Variants in TRIM24 observed in about 807,000 individuals in gnomAD.
TRIM24 encodes the protein tripartite motif containing 24.
TRIM24 carries 29 observed loss-of-function variants against 123.9 expected under a neutral mutation model. That is an observed-to-expected ratio of 0.23 (90% CI 0.17 to 0.32). The LOEUF is 0.32. Ranked by LOEUF, TRIM24 falls within the 10% of genes least tolerant of loss-of-function variation. TRIM24 has a pLI of 1.00. For missense variants in TRIM24, 932 were observed against 1,295.3 expected, an observed-to-expected ratio of 0.72 and a Z score of 4.31; for synonymous variants, 456 against 461.1, an observed-to-expected ratio of 0.99 and a Z score of 0.14.
intron 6 of TRIM24, among the ~76,000 whole-genome samples, chr7:138,537,055 C>T (rs1796893390): frequency 6.6e-6 from 1 of 152,060 alleles, no homozygotes; most frequent in South Asian, 2.1e-4. Context: ...TTTGCTAAGT[C>T]CGTTGGAAAA....
intron 6 of TRIM24, among the ~76,000 whole-genome samples, chr7:138,536,930 C>T (rs1287486465): frequency 2.6e-5 from 4 of 152,192 alleles, no homozygotes; most frequent in African/African-American, 9.6e-5. Flanking sequence ...GCCCCTTCCC[C>T]AGCCTCGCTG....
At chr7:138,487,110 G>A (rs1795664919) in intron 1 of TRIM24, among the ~76,000 whole-genome samples, 2 of 152,174 alleles carry the variant, frequency 1.3e-5, no homozygotes, top group African/African-American at 4.8e-5. Context: ...ATTGTGAATG[G>A]GAGTTCACTC....
chr7:138,580,930 A>C (rs1261893130), intron 16 of TRIM24, among the ~76,000 whole-genome samples: 7 of 152,204 alleles, frequency 4.6e-5, no homozygotes, highest in Non-Finnish European at 1.0e-4. Context: ...ACAAGATGGA[A>C]TATGTACCCT....
At chr7:138,499,226 T>G (rs1304483984) in intron 1 of TRIM24, among the ~76,000 whole-genome samples, 3 of 152,200 alleles carry the variant, frequency 2.0e-5, no homozygotes, top group Admixed American at 6.6e-5. Flanking sequence ...TAAATAGTCC[T>G]TGTTCTAAAG....
Position 138,587,235 on chromosome 7 carries a change from C to G in TRIM24, c.*2284C>G, listed in dbSNP as rs1798035980. ...GGACATGGTGGCGTGCAACTGTAAT[C>G]CCAACTACTCAGGAGGCTGAGACAG... On this transcript the variant is annotated 3_prime_UTR_variant, in exon 19 of 19. Transcript: ENST00000343526. 1 of 152,016 alleles carries G rather than the reference C, an allele frequency of 6.6e-6. No individual in the cohort carries two copies. The highest frequency in any genetic ancestry group is 2.1e-4 in the South Asian group (1 of 4,816). The allele number at this position is 152,016 out of a possible 1,614,324, so 9.4% of individuals were successfully genotyped here.
At chr7:138,466,817 C>T (rs1222153755) in intron 1 of TRIM24, among the ~76,000 whole-genome samples, 1 of 152,014 alleles carries the variant, frequency 6.6e-6, no homozygotes, top group Admixed American at 6.6e-5. Context: ...TCTGGTTTAT[C>T]AATTTATTTT....
chr7:138,516,094 T>C (rs911023892), intron 3 of TRIM24, among the ~76,000 whole-genome samples: 23 of 152,186 alleles, frequency 1.5e-4, no homozygotes, highest in African/African-American at 3.9e-4. Context: ...GATCAGGAGA[T>C]CGAGACCATC....
intron 5 of TRIM24, among the ~76,000 whole-genome samples, chr7:138,526,870 TTGAA>T (rs1367297854): frequency 2.6e-5 from 4 of 152,222 alleles, no homozygotes; most frequent in African/African-American, 9.6e-5. Context: ...TGAATATTTA[TTGAA>T]TGAATGAAGA....
At chr7:138,547,267 T>A (rs1009592873) in intron 7 of TRIM24, among the ~76,000 whole-genome samples, 2 of 152,138 alleles carry the variant, frequency 1.3e-5, no homozygotes, top group Non-Finnish European at 2.9e-5. Context: ...GGGATGTTGA[T>A]CAAAGGCTGC....
At chr7:138,470,332 T>G (rs940577320) in intron 1 of TRIM24, among the ~76,000 whole-genome samples, 10 of 152,158 alleles carry the variant, frequency 6.6e-5, no homozygotes, top group Non-Finnish European at 1.3e-4. Flanking sequence ...GGTTTCACTA[T>G]GTTGGTCAGG....
At chr7:138,540,760 A>G (rs996682864) in intron 7 of TRIM24, among the ~76,000 whole-genome samples, 1 of 152,226 alleles carries the variant, frequency 6.6e-6, no homozygotes, top group Non-Finnish European at 1.5e-5. Flanking sequence ...TCCTTTCTAG[A>G]AGGTTTTTAA....
chr7:138,568,379 CTT>C (rs60386130), intron 10 of TRIM24, among the ~76,000 whole-genome samples: 326 of 68,670 alleles, frequency 4.7e-3, no homozygotes, highest in South Asian at 0.02. Context: ...ACCTGGCCTC[CTT>C]TTTTTTTTTT....
At chr7:138,503,981 T>A (rs1381803528) in intron 1 of TRIM24, among the ~76,000 whole-genome samples, 3 of 152,218 alleles carry the variant, frequency 2.0e-5, no homozygotes, top group Non-Finnish European at 4.4e-5. Context: ...CATATGGTTC[T>A]GTACGTTTCT....
At chr7:138,584,038 A>C in intron 18 of TRIM24, 39 bp downstream of exon 18, 2 of 1,565,594 alleles carry the variant, frequency 1.3e-6, no homozygotes, top group Non-Finnish European at 1.7e-6. Flanking sequence ...AAGGAACAGC[A>C]GTGTGAAAAT....
chr7:138,566,615 A>G (rs1563062645), intron 9 of TRIM24, among the ~76,000 whole-genome samples: 1 of 152,214 alleles, frequency 6.6e-6, no homozygotes, highest in Non-Finnish European at 1.5e-5. Flanking sequence ...TGGTAATGAT[A>G]TGGCAGACTA....
intron 4 of TRIM24, among the ~76,000 whole-genome samples, chr7:138,520,712 T>C: frequency 6.6e-6 from 1 of 151,922 alleles, no homozygotes; most frequent in Non-Finnish European, 1.5e-5. Context: ...ACCCTAAAAA[T>C]TACAGTAACT....
chr7:138,542,189 G>A (rs1797017804), intron 7 of TRIM24, among the ~76,000 whole-genome samples: 1 of 152,114 alleles, frequency 6.6e-6, no homozygotes, highest in African/African-American at 2.4e-5. Context: ...TCACAACTTG[G>A]CTAACTGGTG....
intron 1 of TRIM24, among the ~76,000 whole-genome samples, chr7:138,465,138 A>G (rs1020852705): frequency 1.3e-5 from 2 of 152,228 alleles, no homozygotes; most frequent in Admixed American, 6.5e-5. Context: ...CTCAGATACA[A>G]TTACACTGGC....
At chr7:138,581,347 T>C (rs1297132584) in intron 16 of TRIM24, among the ~76,000 whole-genome samples, 1 of 152,186 alleles carries the variant, frequency 6.6e-6, no homozygotes, top group East Asian at 1.9e-4. Context: ...GTGCCTTAGG[T>C]CTGGATGCAT....
Sources: gnomAD v4.1 joint callset for allele counts (sites outside exome capture counted in the v4.1 genomes callset) on GRCh38, gnomAD v4.1.1 for gene constraint, MANE v1.5 for transcripts, NCBI Gene and HGNC (gene_info 2026-07-23, HGNC 2026-07-21) for gene names.